The following IL1RAPL1 variants were observed in gnomAD, a reference collection of about 807,000 sequenced individuals.
The protein encoded by IL1RAPL1 is interleukin 1 receptor accessory protein like 1, also known as interleukin-1 receptor accessory protein-like 1.
A neutral mutation model predicts 48.4 loss-of-function variants in IL1RAPL1; 3 were observed. The ratio of observed to expected loss-of-function variants is 0.06; its 90% CI spans 0.03 to 0.16. The LOEUF is 0.16. Among genes scored for constraint, IL1RAPL1 ranks in the 10% least tolerant of loss-of-function variants. IL1RAPL1 has a pLI of 1.00. For synonymous variants in IL1RAPL1, 185 were observed against 187.7 expected (o/e 0.99, Z 0.12); for missense variants, 349 against 530.6 (o/e 0.66, Z 3.36).
At chrX:29,332,607 A>ATTTT (rs1932896201) in intron 3 of IL1RAPL1, among the ~76,000 whole-genome samples, 1 of 65,969 alleles carries the variant, frequency 1.5e-5, no homozygotes, top group Admixed American at 1.8e-4. Context: ...CTTGGCCCAT[A>ATTTT]TTTTATTTAT....
intron 2 of IL1RAPL1, among the ~76,000 whole-genome samples, chrX:29,059,508 T>C: frequency 8.9e-6 from 1 of 111,775 alleles, no homozygotes. Context: ...AGTGAAAAGG[T>C]CCTTGAGAAA....
chrX:29,399,709 C>T lies in IL1RAPL1; in HGVS notation c.703+401C>T, dbSNP rs751135507. ...TGGTGGGCGCCTGTAATCCCAGCTA[C>T]TCGGGAGGCTGAGGCAGGAGAATCA... is the stretch of plus-strand genomic sequence containing the variant. On this transcript the variant is annotated intron_variant, in intron 5 of 10. Coordinates refer to ENST00000378993, the MANE Select transcript of IL1RAPL1 (RefSeq NM_014271.4). Among the ~76,000 whole-genome samples the T allele has an allele frequency of 4.9e-4, 54 of 109,954 alleles. 1 individual carries two copies. Among genetic ancestry groups the T allele is most frequent in the African/African-American group, 1.8e-3 (53 of 30,178 alleles).
chrX:28,837,567 TA>T (rs1921253945), intron 2 of IL1RAPL1, among the ~76,000 whole-genome samples: 2 of 108,701 alleles, frequency 1.8e-5, no homozygotes, highest in African/African-American at 6.7e-5. Flanking sequence ...CTGTTCCTCA[TA>T]AGCAACAGGG....
chrX:29,939,925 C>T (rs201273458), intron 8 of IL1RAPL1, among the ~76,000 whole-genome samples: 10 of 102,107 alleles, frequency 9.8e-5, no homozygotes, highest in Admixed American at 4.3e-4. Context: ...TGTAGTGGCG[C>T]GATCTCAGCT....
At chrX:29,749,815 C>T (rs1182461885) in intron 6 of IL1RAPL1, among the ~76,000 whole-genome samples, 1 of 112,303 alleles carries the variant, frequency 8.9e-6, no homozygotes, top group African/African-American at 3.2e-5. Flanking sequence ...GTTCCAGTCT[C>T]TTGGAAGCTA....
chrX:28,754,112 C>T (rs1047864181), intron 1 of IL1RAPL1, among the ~76,000 whole-genome samples: 6 of 111,218 alleles, frequency 5.4e-5, no homozygotes, highest in African/African-American at 1.6e-4. Flanking sequence ...TAACTTCTCC[C>T]GAGGTAGTCC....
At chrX:29,500,209 G>T (rs150852718) in intron 5 of IL1RAPL1, among the ~76,000 whole-genome samples, 2,231 of 111,599 alleles carry the variant, frequency 0.02, 59 homozygotes, top group African/African-American at 0.069. Context: ...TCAAACACCT[G>T]ATCTCAGGTG....
chrX:29,918,256 AT>A (rs1467514238), intron 7 of IL1RAPL1, among the ~76,000 whole-genome samples: 82 of 86,658 alleles, frequency 9.5e-4, no homozygotes, highest in African/African-American at 3.3e-3. Flanking sequence ...AAAAAAAAAA[AT>A]GTTCTTTGGG....
rs188504652 is a variant in IL1RAPL1 at position 29,069,532 on chromosome X, G to A, written c.83-213406G>A. On this transcript the variant is annotated intron_variant, in intron 2 of 10. Coordinates refer to ENST00000378993, the MANE Select transcript of IL1RAPL1 (RefSeq NM_014271.4). ...GTTGCTATTCCTAATCCATTATTTT[G>A]TTGTCTTGAGCTGCAGATTGTTGTC... 6.9e-4 allele frequency among the ~76,000 whole-genome samples: 75 copies of A among 107,975 alleles called. No individual in the cohort carries two copies. In the Middle Eastern group the frequency reaches 0.014, roughly 20 times the overall value. The allele number at this position is 107,975 out of a possible 115,157, so 93.8% of individuals were successfully genotyped here. A position where few individuals can be genotyped will look rare whatever the true frequency, so the allele number is the denominator to read the frequency against.
chrX:29,531,536 C>T (rs1160008412), intron 5 of IL1RAPL1, among the ~76,000 whole-genome samples: 1 of 111,939 alleles, frequency 8.9e-6, no homozygotes, highest in Non-Finnish European at 1.9e-5. Context: ...CTTGTCCTTT[C>T]CTACCCATGA....
At chrX:29,373,820 TA>T (rs1602201520) in intron 3 of IL1RAPL1, among the ~76,000 whole-genome samples, 1 of 106,748 alleles carries the variant, frequency 9.4e-6, no homozygotes, top group Non-Finnish European at 1.9e-5. Context: ...CATTTGTTTT[TA>T]TTTTTTTTAA....
intron 2 of IL1RAPL1, among the ~76,000 whole-genome samples, chrX:29,239,789 ATTC>A (rs766525488): frequency 4.5e-5 from 5 of 110,117 alleles, no homozygotes; most frequent in Non-Finnish European, 9.5e-5. Flanking sequence ...GCCCAAGACA[ATTC>A]TTCTTCTTCT....
chrX:29,078,067 C>G (rs746898663), intron 2 of IL1RAPL1, among the ~76,000 whole-genome samples: 1 of 111,922 alleles, frequency 8.9e-6, no homozygotes, highest in South Asian at 3.7e-4. Flanking sequence ...CACCTGAGGT[C>G]GGGACCAGCC....
chrX:29,584,489 C>G (rs1170972814), intron 5 of IL1RAPL1, among the ~76,000 whole-genome samples: 1 of 111,523 alleles, frequency 9.0e-6, no homozygotes, highest in Non-Finnish European at 1.9e-5. Flanking sequence ...CCAATCAGGC[C>G]TTCAACTCCA....
At chrX:28,897,283 G>C (rs182591035) in intron 2 of IL1RAPL1, among the ~76,000 whole-genome samples, 7 of 111,585 alleles carry the variant, frequency 6.3e-5, no homozygotes, top group Non-Finnish European at 1.3e-4. Flanking sequence ...CAAGGCAGGC[G>C]TCCCTGCGTG....
chrX:29,859,551 G>T (rs974499565), intron 6 of IL1RAPL1, among the ~76,000 whole-genome samples: 2 of 111,842 alleles, frequency 1.8e-5, no homozygotes, highest in Non-Finnish European at 3.8e-5. Flanking sequence ...AGAAACTGAT[G>T]CTGTGATAGC....
intron 1 of IL1RAPL1, among the ~76,000 whole-genome samples, chrX:28,694,567 G>T (rs1304653796): frequency 8.9e-6 from 1 of 112,035 alleles, no homozygotes; most frequent in Non-Finnish European, 1.9e-5. Flanking sequence ...AATGAAAGTT[G>T]TGCTTGTTAT....
chrX:28,995,774 G>A (rs1400759309), intron 2 of IL1RAPL1, among the ~76,000 whole-genome samples: 1 of 110,384 alleles, frequency 9.1e-6, no homozygotes, highest in Non-Finnish European at 1.9e-5. Context: ...AGGGGTAGTG[G>A]CAAAAAGAAA....
At chrX:29,135,846 T>C (rs1469756566) in intron 2 of IL1RAPL1, among the ~76,000 whole-genome samples, 4 of 111,498 alleles carry the variant, frequency 3.6e-5, no homozygotes, top group Non-Finnish European at 3.8e-5. Context: ...GCGATCCTCC[T>C]GCCTCAGCCT....
Sources: allele counts gnomAD v4.1 joint callset (sites outside exome capture counted in the v4.1 genomes callset), GRCh38; gene constraint gnomAD v4.1.1; transcripts MANE v1.5; gene names NCBI Gene and HGNC (gene_info 2026-07-23, HGNC 2026-07-21).